The following PCMT1 variants were observed in gnomAD, a reference collection of about 807,000 sequenced individuals.
The protein encoded by PCMT1 is protein-L-isoaspartate (D-aspartate) O-methyltransferase, also known as protein-L-isoaspartate(D-aspartate) O-methyltransferase.
A neutral mutation model predicts 29.2 loss-of-function variants in PCMT1; 9 were observed. That is an observed-to-expected ratio of 0.31 (90% CI 0.19 to 0.54). The LOEUF (loss-of-function observed/expected upper bound fraction) is 0.54. Ranked by LOEUF, PCMT1 falls within the 20% of genes least tolerant of loss-of-function variation. The pLI is 0.95. For missense variants in PCMT1, 184 were observed against 282.2 expected (o/e 0.65, Z 2.49); for synonymous variants, 98 against 97.5 (o/e 1.00, Z -0.03).
In PCMT1 at chr6:149,806,921, A is replaced by G. The variant is rs1216663593; in HGVS notation, c.*38-3695A>G. 3.3e-5 allele frequency among the ~76,000 whole-genome samples: 5 copies of G among 152,128 alleles called. No individual in the cohort carries two copies. In the South Asian group the frequency reaches 8.3e-4, roughly 25 times the overall value. On this transcript the variant is annotated intron_variant, in intron 7 of 7. Transcript: ENST00000464889. The stretch of plus-strand genomic sequence containing the variant: ...TTCAGGATTACTTTAACTCATTATA[A>G]TACTTTCCTAGGAACCTTCTCTTGT...
chr6:149,756,223 A>G (rs1191049515), intron 1 of PCMT1, among the ~76,000 whole-genome samples: 1 of 152,158 alleles, frequency 6.6e-6, no homozygotes, highest in East Asian at 1.9e-4. Flanking sequence ...AATATGCAAG[A>G]ATTATGATTT....
At chr6:149,771,073 C>A in intron 1 of PCMT1, 89 bp from the exon 2 acceptor site, 1 of 663,950 alleles carries the variant, frequency 1.5e-6, no homozygotes, top group Non-Finnish European at 2.5e-6. Context: ...TCTTCCAGTT[C>A]AGTCTCTATA....
At chr6:149,777,310 G>A (rs148987169) in intron 3 of PCMT1, among the ~76,000 whole-genome samples, 76 of 152,256 alleles carry the variant, frequency 5.0e-4, no homozygotes, top group African/African-American at 1.7e-3. Context: ...TGTACTGAAA[G>A]TGGAAAATAG....
chr6:149,783,390 C>A (rs1201302584), intron 3 of PCMT1, among the ~76,000 whole-genome samples: 1 of 152,148 alleles, frequency 6.6e-6, no homozygotes, highest in African/African-American at 2.4e-5. Flanking sequence ...CTCAGCCTCC[C>A]AAAGTGCTGG....
intron 1 of PCMT1, among the ~76,000 whole-genome samples, chr6:149,756,621 T>A (rs1414691213): frequency 7.1e-6 from 1 of 141,536 alleles, no homozygotes; most frequent in Non-Finnish European, 1.5e-5. Context: ...CGCCTCAGTC[T>A]CCAATATTGC....
In PCMT1 at chr6:149,801,337, G is replaced by A. The variant is rs576207006; in HGVS notation, c.505-863G>A. Among the ~76,000 whole-genome samples the A allele has an allele frequency of 5.3e-5, 8 of 152,334 alleles. No homozygotes were observed. The South Asian group carries it at 1.7e-3, about 32-fold the overall frequency. On this transcript the variant is annotated intron_variant, in intron 6 of 7. Transcript: ENST00000464889. ...GCATTTTGACTGTGACTTGCCACAT[G>A]AGGTCAGGTGTGAAATTATCTACTT...
chr6:149,805,384 G>A (rs1361572522), intron 7 of PCMT1, among the ~76,000 whole-genome samples: 2 of 151,766 alleles, frequency 1.3e-5, no homozygotes, highest in African/African-American at 2.4e-5. Context: ...ACAAGGTCAG[G>A]AGATCGAGAC....
chr6:149,785,698 T>A (rs367692487), intron 3 of PCMT1, among the ~76,000 whole-genome samples: 3 of 150,512 alleles, frequency 2.0e-5, no homozygotes, highest in Non-Finnish European at 3.0e-5. Context: ...GACACAGCAC[T>A]TGTTTCAGAG....
chr6:149,777,473 C>G (rs1277607429), intron 3 of PCMT1, among the ~76,000 whole-genome samples: 1 of 134,888 alleles, frequency 7.4e-6, no homozygotes, highest in East Asian at 2.4e-4. Context: ...GTTAAAAGAA[C>G]TCTGCAAGTA....
At chr6:149,795,211 A>T in intron 5 of PCMT1, 1 of 370,144 alleles carries the variant, frequency 2.7e-6, no homozygotes, top group Non-Finnish European at 5.1e-6. Flanking sequence ...AAAAAAAGAA[A>T]TGTTAACTTC....
At chr6:149,805,099 A>G (rs995072125) in intron 7 of PCMT1, among the ~76,000 whole-genome samples, 88 of 152,240 alleles carry the variant, frequency 5.8e-4, no homozygotes, top group African/African-American at 1.9e-3. Flanking sequence ...AGAACTAGCC[A>G]GGCGTAGTGG....
At chr6:149,810,055 TG>T (rs2115356869) in intron 7 of PCMT1, 1 of 153,070 alleles carries the variant, frequency 6.5e-6, no homozygotes, top group Admixed American at 6.5e-5. Context: ...GCTGGTACAG[TG>T]CTGCACCTGG....
At chr6:149,772,481 T>A (rs1402367648) in intron 2 of PCMT1, 3 of 417,644 alleles carry the variant, frequency 7.2e-6, no homozygotes, top group Non-Finnish European at 1.4e-5. Flanking sequence ...AACTTATTTT[T>A]AAAAAACAAT....
intron 7 of PCMT1, among the ~76,000 whole-genome samples, chr6:149,808,801 T>C (rs1776080525): frequency 6.6e-6 from 1 of 151,846 alleles, no homozygotes; most frequent in South Asian, 2.1e-4. Flanking sequence ...CACACCCGGC[T>C]AATTATTTGT....
At chr6:149,762,912 GAT>G (rs1175911342) in intron 1 of PCMT1, among the ~76,000 whole-genome samples, 2 of 48,820 alleles carry the variant, frequency 4.1e-5, no homozygotes, top group Non-Finnish European at 5.6e-5. Flanking sequence ...ATATATCTAT[GAT>G]ATATATATCT....
At chr6:149,773,980 TTTTA>T (rs961497520) in intron 3 of PCMT1, among the ~76,000 whole-genome samples, 49 of 151,914 alleles carry the variant, frequency 3.2e-4, no homozygotes, top group South Asian at 1.5e-3. Flanking sequence ...TTTTCTTGGG[TTTTA>T]TTTATTTATT....
At chr6:149,752,929 T>G (rs1412545236) in intron 1 of PCMT1, among the ~76,000 whole-genome samples, 2 of 152,246 alleles carry the variant, frequency 1.3e-5, no homozygotes, top group Non-Finnish European at 2.9e-5. Flanking sequence ...AGGATGTTTT[T>G]CTGTCAGGAA....
chr6:149,766,857 G>A (rs553337643), intron 1 of PCMT1, among the ~76,000 whole-genome samples: 2 of 152,236 alleles, frequency 1.3e-5, no homozygotes, highest in Non-Finnish European at 2.9e-5. Flanking sequence ...TCTAGAATGT[G>A]TTAAAAATGG....
intron 1 of PCMT1, among the ~76,000 whole-genome samples, chr6:149,761,324 G>T (rs756964972): frequency 6.6e-6 from 1 of 151,996 alleles, no homozygotes; most frequent in Non-Finnish European, 1.5e-5. Flanking sequence ...TAGGAGAATT[G>T]AGAATATTAA....
Sources: allele counts gnomAD v4.1 joint callset (sites outside exome capture counted in the v4.1 genomes callset), GRCh38; gene constraint gnomAD v4.1.1; transcripts MANE v1.5; gene names NCBI Gene and HGNC (gene_info 2026-07-23, HGNC 2026-07-21).